The following MINK1 variants were observed in gnomAD, a reference collection of about 807,000 sequenced individuals.
MINK1 encodes the protein misshapen like kinase 1.
A neutral mutation model predicts 178.4 loss-of-function variants in MINK1; 46 were observed. The observed-to-expected ratio is 0.26, with a 90% CI of 0.20 to 0.33. The LOEUF (loss-of-function observed/expected upper bound fraction) is 0.33. Among genes scored for constraint, MINK1 ranks in the 10% least tolerant of loss-of-function variants. The pLI is 1.00. For missense variants in MINK1, 1,366 were observed against 1,814.9 expected (o/e 0.75, Z 4.49); for synonymous variants, 797 against 709.7 (o/e 1.12, Z -1.96).
chr17:4,882,694 TAGTC>T (rs1434085666), intron 4 of MINK1, among the ~76,000 whole-genome samples: 15 of 152,308 alleles, frequency 9.8e-5, no homozygotes, highest in African/African-American at 3.4e-4. Flanking sequence ...AAAGCAGCAA[TAGTC>T]AGTACGTAAA....
chr17:4,893,001 C>A lies in MINK1; in HGVS notation c.2334C>A (p.Ser778=). The A allele has an allele frequency of 6.3e-7, 1 of 1,578,220 alleles. No individual in the cohort carries two copies. Among genetic ancestry groups the A allele is most frequent in the Non-Finnish European group, 8.6e-7 (1 of 1,163,528 alleles). Residue 778 remains serine (S), a synonymous_variant, in exon 20 of 32, where the codon TCC becomes TCA. Coordinates refer to ENST00000355280, the MANE Select transcript of MINK1 (RefSeq NM_153827.5). ...RVGVSSKPDS[S]PVLSPGNKAK... is the part of the protein sequence containing the mutation. ...CAGTCTCCTCCAAACCGGACAGCTC[C>A]CCTGTGCTCTCCCCTGGGAATAAAG... is the stretch of plus-strand genomic sequence containing the variant.
chr17:4,884,683 C>T (rs1476996156), intron 5 of MINK1, among the ~76,000 whole-genome samples: 4 of 152,140 alleles, frequency 2.6e-5, no homozygotes, highest in Admixed American at 6.6e-5. Context: ...CAAGCTCTGC[C>T]GCTTCTCCAC....
intron 1 of MINK1, among the ~76,000 whole-genome samples, chr17:4,864,468 A>G (rs1914639421): frequency 6.6e-6 from 1 of 151,932 alleles, no homozygotes. Context: ...TCATGCCTGT[A>G]ATCCCAGTAC....
At chr17:4,857,280 A>G (rs1176828605) in intron 1 of MINK1, 1 of 205,644 alleles carries the variant, frequency 4.9e-6, no homozygotes, top group Non-Finnish European at 1.0e-5. Flanking sequence ...ATTCTTGGCC[A>G]TGCCACAGGC....
At chr17:4,882,710 G>A (rs1450416003) in intron 4 of MINK1, among the ~76,000 whole-genome samples, 1 of 152,208 alleles carries the variant, frequency 6.6e-6, no homozygotes, top group Non-Finnish European at 1.5e-5. Flanking sequence ...GTACGTAAAC[G>A]AATGAGTGTG....
At chr17:4,881,468 T>C (rs887082637) in intron 4 of MINK1, among the ~76,000 whole-genome samples, 1 of 152,122 alleles carries the variant, frequency 6.6e-6, no homozygotes, top group Non-Finnish European at 1.5e-5. Context: ...TCTCATCCTT[T>C]GAGTGTTTTG....
rs1334643327 is a variant in MINK1 at position 4,897,324 on chromosome 17, A to C, written c.*37A>C. 11 of 1,593,156 alleles carry C rather than the reference A, an allele frequency of 6.9e-6. No homozygotes were observed. ...GCTGGGGCTGTCCCACACTGGACCCAGCTCTCCCCCTGCAGCCAGGCTTCC... is the reference window on the plus strand; with the variant it reads ...GCTGGGGCTGTCCCACACTGGACCCCGCTCTCCCCCTGCAGCCAGGCTTCC... On this transcript the variant is annotated 3_prime_UTR_variant, in exon 32 of 32. Coordinates refer to ENST00000355280, the MANE Select transcript of MINK1 (RefSeq NM_153827.5).
intron 1 of MINK1, among the ~76,000 whole-genome samples, chr17:4,862,771 C>A (rs1914377847): frequency 6.6e-6 from 1 of 152,094 alleles, no homozygotes; most frequent in South Asian, 2.1e-4. Context: ...GTGGCTCATG[C>A]CTGTAATTCT....
intron 1 of MINK1, among the ~76,000 whole-genome samples, chr17:4,877,921 C>T (rs1487223495): frequency 1.3e-5 from 2 of 151,652 alleles, no homozygotes; most frequent in Non-Finnish European, 2.9e-5. Flanking sequence ...CGCCATTCTC[C>T]TGCCTCAGCC....
At chr17:4,862,393 G>C (rs548396466) in intron 1 of MINK1, among the ~76,000 whole-genome samples, 1 of 152,060 alleles carries the variant, frequency 6.6e-6, no homozygotes. Context: ...GGTGGCTCAC[G>C]CCTGTAATCC....
At position 4,895,672 on chromosome 17, in the gene MINK1, G is replaced by A. The variant is rs766613271; in HGVS notation, c.3230-26G>A. The A allele has an allele frequency of 3.1e-6, 5 of 1,610,332 alleles. No individual in the cohort carries two copies. In the African/African-American group the frequency reaches 5.3e-5, roughly 17 times the overall value. On this transcript the variant is annotated intron_variant, in intron 26 of 31. Coordinates refer to ENST00000355280, the MANE Select transcript of MINK1 (RefSeq NM_153827.5). This position sits in a 1 kb window ranked among gnomAD's most constrained non-coding sequence, Gnocchi z 4.3. ...CGGGCCTCAGATGAGAATGGGGGCG[G>A]GTGTGTATGTCTGTCCGTCCCTCAG...
chr17:4,887,600 G>C lies in MINK1; in HGVS notation c.1040G>C (p.Gly347Ala). The change falls in exon 12 of 32, where the codon GGA becomes GCA. Residue 347 changes from glycine (G) to alanine (A), a missense_variant. Gly to Ala is a moderately conservative substitution (Grantham distance 60). Coordinates refer to ENST00000355280, the MANE Select transcript of MINK1 (RefSeq NM_153827.5). The surrounding 1 kb of genome is among the most constrained non-coding windows in gnomAD (Gnocchi z 7.6). The part of the protein sequence containing the change: ...GEPSSIMNVP[G>A]ESTLRREFLR... ...CCCAGCTCCATCATGAACGTGCCTG[G>C]AGAGTCGACTCTACGCCGGGAGTTT... 2 of 1,551,522 alleles carry C rather than the reference G, an allele frequency of 1.3e-6. No homozygotes were observed. The highest frequency in any genetic ancestry group is 1.7e-6 in the Non-Finnish European group (2 of 1,150,208).
chr17:4,840,398 T>C (rs1910028586), intron 1 of MINK1, among the ~76,000 whole-genome samples: 1 of 152,086 alleles, frequency 6.6e-6, no homozygotes. Flanking sequence ...AAAAAAATGG[T>C]TTATTTGTTT....
chr17:4,840,027 G>A (rs1909970445), intron 1 of MINK1, among the ~76,000 whole-genome samples: 1 of 151,408 alleles, frequency 6.6e-6, no homozygotes, highest in African/African-American at 2.4e-5. Flanking sequence ...ACTTTAACAT[G>A]CCGTGGGCAC....
At chr17:4,852,023 A>ACC (rs1276065821) in intron 1 of MINK1, among the ~76,000 whole-genome samples, 1 of 133,910 alleles carries the variant, frequency 7.5e-6, no homozygotes, top group South Asian at 2.3e-4. Context: ...AAAAAAAAAA[A>ACC]AAAACTAAGA....
rs917167457 is a variant in MINK1, at chr17:4,856,424, G to A, written c.58-21893G>A. Among the ~76,000 whole-genome samples, 7 of 151,808 alleles carry A rather than the reference G, an allele frequency of 4.6e-5. No homozygotes were observed. The South Asian group carries it at 8.3e-4, about 18-fold the overall frequency. On this transcript the variant is annotated intron_variant, in intron 1 of 31. Transcript: ENST00000355280. ...CCCACTCCCGTTTTCTCTCTCTTAC[G>A]TACTCACACTCTCTTTTTTTTTTCT... is the stretch of plus-strand genomic sequence containing the variant.
chr17:4,894,808 G>A lies in MINK1; in HGVS notation c.2917+175G>A. The stretch of plus-strand genomic sequence containing the variant: ...AGAGCCTCTGAGACCCCTCCTTCCT[G>A]TCCCACAGGACAGGAAATGCTCAGA... On this transcript the variant is annotated intron_variant, in intron 24 of 31. Transcript: ENST00000355280. The surrounding 1 kb of genome is among the most constrained non-coding windows in gnomAD (Gnocchi z 4.1). 4 of 639,302 alleles carry A rather than the reference G, an allele frequency of 6.3e-6. No individual in the cohort carries two copies. The highest frequency in any genetic ancestry group is 5.8e-5 in the South Asian group (3 of 51,872). The allele number at this position is 639,302 out of a possible 1,614,324, so 39.6% of individuals were successfully genotyped here.
At chr17:4,879,575 T>C (rs987428317) in intron 2 of MINK1, among the ~76,000 whole-genome samples, 1 of 152,210 alleles carries the variant, frequency 6.6e-6, no homozygotes, top group Non-Finnish European at 1.5e-5. Flanking sequence ...AAATTACCCA[T>C]GGGCTGGCAA....
chr17:4,833,405 T>A lies in MINK1; in HGVS notation c.-179T>A, dbSNP rs1357770779. ...GCTCGGGTGGCTGGCTCCGGGGAGA[T>A]AGCGCCTGTCAGTCGGTGGGTCGGT... On this transcript the variant is annotated 5_prime_UTR_variant, in exon 1 of 32. Transcript: ENST00000355280. The surrounding 1 kb of genome is among the most constrained non-coding windows in gnomAD (Gnocchi z 4.8). The A allele has an allele frequency of 1.3e-5, 7 of 540,338 alleles. No homozygotes were observed. Among genetic ancestry groups the A allele is most frequent in the Non-Finnish European group, 2.3e-5 (7 of 310,060 alleles). The allele number at this position is 540,338 out of a possible 1,614,324, so 33.5% of individuals were successfully genotyped here.
Sources: gnomAD v4.1 joint callset for allele counts (sites outside exome capture counted in the v4.1 genomes callset) on GRCh38, gnomAD v4.1.1 for gene constraint, Gnocchi (gnomAD v3.1) non-coding constraint, MANE v1.5 for transcripts, NCBI Gene and HGNC (gene_info 2026-07-23, HGNC 2026-07-21) for gene names.